The following ZNF366 variants were observed in gnomAD, a reference collection of about 807,000 sequenced individuals.
ZNF366 encodes the protein zinc finger protein 366.
Under a neutral mutation model 47.2 loss-of-function variants are expected in ZNF366, and 20 were observed. The observed-to-expected ratio is 0.42, with a 90% CI of 0.30 to 0.62. The LOEUF (loss-of-function observed/expected upper bound fraction) is 0.62. Among genes scored for constraint, ZNF366 ranks in the 20% least tolerant of loss-of-function variants. The probability of loss-of-function intolerance (pLI) is 0.16; values close to 1 mark genes in which losing one functional copy is unlikely to be tolerated. For synonymous variants in ZNF366, 421 were observed against 395.1 expected (o/e 1.07, Z -0.78); for missense variants, 987 against 976.3 (o/e 1.01, Z -0.15).
At chr5:72,492,171 T>C (rs1362543209) in intron 1 of ZNF366, among the ~76,000 whole-genome samples, 1 of 152,246 alleles carries the variant, frequency 6.6e-6, no homozygotes, top group Non-Finnish European at 1.5e-5. Context: ...TAACTTGATT[T>C]GTTTCATTTG....
chr5:72,461,124 C>T lies in ZNF366; in HGVS notation c.373G>A (p.Asp125Asn), dbSNP rs761602423. 1 of 1,613,978 alleles carries T rather than the reference C, an allele frequency of 6.2e-7. No homozygotes were observed. Among genetic ancestry groups the T allele is most frequent in the Admixed American group, 1.7e-5 (1 of 60,020 alleles). Residue 125 changes from aspartate to asparagine, a missense_variant, in exon 2 of 5, where the codon GAC (aspartate) becomes AAC (asparagine). Physicochemically the swap from Asp to Asn is conservative, Grantham distance 23. Transcript: ENST00000318442. ...LFPQPPRPKYDSQMIDLCNVG... is the reference protein window; with the variant it reads ...LFPQPPRPKYNSQMIDLCNVG... ...TTGCACAGGTCGATCATCTGAGAGT[C>T]ATACTTGGGGCGCGGGGGCTGCGGG... is the stretch of plus-strand genomic sequence containing the variant.
Position 72,461,116 on chromosome 5 carries a change from C to A in ZNF366, c.381G>T (p.Gln127His). Residue 127 changes from glutamine (Q) to histidine (H), a missense_variant, in exon 2 of 5, where the codon CAG becomes CAT. Coordinates refer to ENST00000318442, the MANE Select transcript of ZNF366 (RefSeq NM_152625.3). ...AGCCCACGTTGCACAGGTCGATCAT[C>A]TGAGAGTCATACTTGGGGCGCGGGG... Reference protein sequence around the residue: ...PQPPRPKYDSQMIDLCNVGFQ... With the variant: ...PQPPRPKYDSHMIDLCNVGFQ... The A allele has an allele frequency of 6.2e-7, 1 of 1,614,082 alleles. No homozygotes were observed.
At chr5:72,486,917 A>G (rs1417785828) in intron 1 of ZNF366, among the ~76,000 whole-genome samples, 1 of 151,948 alleles carries the variant, frequency 6.6e-6, no homozygotes, top group Non-Finnish European at 1.5e-5. Context: ...AGCTGGGATT[A>G]CAGGCGCCTG....
At chr5:72,462,133 C>A (rs551460819) in intron 1 of ZNF366, among the ~76,000 whole-genome samples, 19 of 152,266 alleles carry the variant, frequency 1.2e-4, no homozygotes, top group African/African-American at 3.9e-4. Context: ...CAGATCTAAT[C>A]GTTTCTGAGT....
At chr5:72,476,646 G>A (rs1035981359) in intron 1 of ZNF366, among the ~76,000 whole-genome samples, 1 of 152,136 alleles carries the variant, frequency 6.6e-6, no homozygotes, top group South Asian at 2.1e-4. Context: ...TGGCCATCTG[G>A]GGTCCAGGTA....
At chr5:72,457,722 G>A (rs138359399) in intron 2 of ZNF366, among the ~76,000 whole-genome samples, 11 of 152,240 alleles carry the variant, frequency 7.2e-5, no homozygotes, top group Admixed American at 1.3e-4. Flanking sequence ...TAGATGAGTC[G>A]TGTGGCCTTT....
rs773571362 is a variant in ZNF366, at chr5:72,460,646, G to A, written c.851C>T (p.Thr284Met). ...CTGCTTGAAGAGCTTCCCGCAGTGC[G>A]TGCACGCGTGCGGCTTGATCCCACT... ...GHSGIKPHAC[T>M]HCGKLFKQLS... The change falls in exon 2 of 5, where the codon ACG becomes ATG. Residue 284 changes from threonine to methionine, a missense_variant. Transcript: ENST00000318442. The A allele has an allele frequency of 3.3e-5, 53 of 1,614,228 alleles. No individual in the cohort carries two copies. Among genetic ancestry groups the A allele is most frequent in the Middle Eastern group, 1.6e-4 (1 of 6,062 alleles).
At chr5:72,496,978 T>C (rs1351538458) in intron 1 of ZNF366, among the ~76,000 whole-genome samples, 1 of 152,202 alleles carries the variant, frequency 6.6e-6, no homozygotes, top group East Asian at 1.9e-4. Context: ...AATTGGGTTG[T>C]TTCCCTTAAG....
chr5:72,462,704 C>T (rs1217323379), intron 1 of ZNF366, among the ~76,000 whole-genome samples: 1 of 152,108 alleles, frequency 6.6e-6, no homozygotes, highest in East Asian at 1.9e-4. Flanking sequence ...GTGTGCGCCA[C>T]CACGCCCTGT....
At chr5:72,483,564 T>C (rs892027339) in intron 1 of ZNF366, among the ~76,000 whole-genome samples, 6 of 152,186 alleles carry the variant, frequency 3.9e-5, no homozygotes, top group African/African-American at 1.4e-4. Context: ...TGCACCTTTC[T>C]AGATTTTCAG....
intron 1 of ZNF366, among the ~76,000 whole-genome samples, chr5:72,496,736 C>T (rs1484134637): frequency 1.3e-5 from 2 of 152,148 alleles, no homozygotes; most frequent in African/African-American, 4.8e-5. Flanking sequence ...AGGTAGTACC[C>T]TTTTACATTC....
chr5:72,458,933 C>G (rs1743246754), intron 2 of ZNF366, among the ~76,000 whole-genome samples: 1 of 152,162 alleles, frequency 6.6e-6, no homozygotes, highest in Non-Finnish European at 1.5e-5. Context: ...CTAAAATGCA[C>G]TTTTGATTCC....
At chr5:72,474,885 C>T (rs973478595) in intron 1 of ZNF366, among the ~76,000 whole-genome samples, 8 of 152,132 alleles carry the variant, frequency 5.3e-5, no homozygotes, top group African/African-American at 1.9e-4. Flanking sequence ...ATAATAATTC[C>T]TAATTTAGGA....
Position 72,442,165 on chromosome 5 carries a change from G to A in ZNF366, c.*1591C>T, listed in dbSNP as rs562161988. 1.3e-5 allele frequency: 2 copies of A among 152,316 alleles called. No homozygotes were observed. The highest frequency in any genetic ancestry group is 4.1e-4 in the South Asian group (2 of 4,822). 9.4% of individuals were successfully genotyped at this position (152,316 alleles called of 1,614,324 possible). The stretch of plus-strand genomic sequence containing the variant: ...CCGCTCATAAGGCTCTTACAGACAG[G>A]TAAGAAAGCCTAAGTCAGCAGTATG... On this transcript the variant is annotated 3_prime_UTR_variant, in exon 5 of 5. Coordinates refer to ENST00000318442, the MANE Select transcript of ZNF366 (RefSeq NM_152625.3).
In ZNF366 at chr5:72,490,397, G is replaced by T. The variant is rs1448337741; in HGVS notation, c.-15+16854C>A. Among the ~76,000 whole-genome samples the T allele has an allele frequency of 2.0e-5, 3 of 152,090 alleles. No homozygotes were observed. The East Asian group carries it at 5.8e-4, about 29-fold the overall frequency. On this transcript the variant is annotated intron_variant, in intron 1 of 4. Coordinates refer to ENST00000318442, the MANE Select transcript of ZNF366 (RefSeq NM_152625.3). ...ATTTTGAGAATAAGGGAAGGAAAAA[G>T]GAATGGAAAACAGATGAGATAGAGC...
In ZNF366 at chr5:72,482,444, C is replaced by T. The variant is rs115351222; in HGVS notation, c.-14-20934G>A. ...CAAATGCTGACATTTGCTGGGACTC[C>T]TCTGGATAATTCTCACCTGCTTCTC... On this transcript the variant is annotated intron_variant, in intron 1 of 4. Coordinates refer to ENST00000318442, the MANE Select transcript of ZNF366 (RefSeq NM_152625.3). 2.4e-3 allele frequency among the ~76,000 whole-genome samples: 367 copies of T among 152,300 alleles called. 2 individuals are homozygous for T. Among genetic ancestry groups the T allele is most frequent in the African/African-American group, 8.6e-3 (359 of 41,556 alleles).
chr5:72,480,402 C>T (rs896724272), intron 1 of ZNF366, among the ~76,000 whole-genome samples: 5 of 151,960 alleles, frequency 3.3e-5, no homozygotes, highest in South Asian at 2.1e-4. Context: ...TGGAACTTTT[C>T]GACTTTTAGT....
At chr5:72,472,683 T>C (rs1743594555) in intron 1 of ZNF366, 2 of 635,284 alleles carry the variant, frequency 3.1e-6, no homozygotes, top group South Asian at 7.0e-5. Flanking sequence ...ATCCAGTTTC[T>C]CCATTCCAGC....
intron 1 of ZNF366, among the ~76,000 whole-genome samples, chr5:72,499,479 CTT>C (rs894702691): frequency 0.022 from 2,460 of 111,934 alleles, 15 homozygotes; most frequent in African/African-American, 0.05. Flanking sequence ...GGAATCCTGC[CTT>C]TTTTTTTTTT....
Sources: gnomAD v4.1 joint callset for allele counts (sites outside exome capture counted in the v4.1 genomes callset) on GRCh38, gnomAD v4.1.1 for gene constraint, MANE v1.5 for transcripts, NCBI Gene and HGNC (gene_info 2026-07-23, HGNC 2026-07-21) for gene names.